KIF26B: variants seen among roughly 807,000 people sequenced by gnomAD.
KIF26B encodes the protein kinesin-like protein KIF26B.
Under a neutral mutation model 151.2 loss-of-function variants are expected in KIF26B, and 63 were observed. That is an observed-to-expected ratio of 0.42 (90% CI 0.34 to 0.51). KIF26B has a LOEUF of 0.51. KIF26B is among the 20% of genes least tolerant of loss of function. KIF26B has a pLI of 0.07. For missense variants in KIF26B, 2,813 were observed against 2,913.6 expected, an observed-to-expected ratio of 0.97 and a Z score of 0.79; for synonymous variants, 1,357 against 1,262.1, an observed-to-expected ratio of 1.08 and a Z score of -1.59.
chr1:245,365,511 A>AC (rs1255591332), intron 2 of KIF26B, among the ~76,000 whole-genome samples: 2 of 138,802 alleles, frequency 1.4e-5, no homozygotes, highest in African/African-American at 6.1e-5. Flanking sequence ...CTGCCTCACA[A>AC]CTCCCCCCCA....
chr1:245,331,613 G>A (rs1473760825), intron 2 of KIF26B, among the ~76,000 whole-genome samples: 1 of 152,126 alleles, frequency 6.6e-6, no homozygotes, highest in Non-Finnish European at 1.5e-5. Flanking sequence ...TGCTGAGGAA[G>A]GATTTATTTT....
intron 2 of KIF26B, among the ~76,000 whole-genome samples, chr1:245,345,276 C>T (rs1672425625): frequency 6.6e-6 from 1 of 152,156 alleles, no homozygotes; most frequent in African/African-American, 2.4e-5. Context: ...CCAGAGGCCA[C>T]TCCTGGGAGA....
chr1:245,426,872 CAGAT>C (rs1416835026), intron 4 of KIF26B, among the ~76,000 whole-genome samples: 2 of 152,226 alleles, frequency 1.3e-5, no homozygotes, highest in African/African-American at 2.4e-5. Flanking sequence ...AGAAGCAACT[CAGAT>C]AGCGCCTTGC....
At chr1:245,565,932 G>A (rs909833392) in intron 5 of KIF26B, among the ~76,000 whole-genome samples, 10 of 152,228 alleles carry the variant, frequency 6.6e-5, no homozygotes, top group African/African-American at 2.4e-4. Flanking sequence ...AAGGTGCAAA[G>A]GGAGCAGGCA....
intron 4 of KIF26B, among the ~76,000 whole-genome samples, chr1:245,424,945 A>C (rs1018891679): frequency 3.9e-5 from 6 of 152,010 alleles, no homozygotes; most frequent in Non-Finnish European, 8.8e-5. Context: ...TTTTCGAGAA[A>C]AGACACTGTT....
chr1:245,570,940 A>G (rs2043061235), intron 5 of KIF26B, among the ~76,000 whole-genome samples: 1 of 152,216 alleles, frequency 6.6e-6, no homozygotes, highest in African/African-American at 2.4e-5. Flanking sequence ...TGCCTTCCAG[A>G]TATCATCAAA....
chr1:245,428,388 C>T (rs1658697127), intron 4 of KIF26B, among the ~76,000 whole-genome samples: 1 of 152,180 alleles, frequency 6.6e-6, no homozygotes, highest in South Asian at 2.1e-4. Context: ...CCCTAGAAAA[C>T]AGTCTCAGGC....
intron 3 of KIF26B, among the ~76,000 whole-genome samples, chr1:245,369,117 G>C (rs1000348207): frequency 2.6e-5 from 4 of 151,936 alleles, no homozygotes; most frequent in African/African-American, 9.7e-5. Context: ...CAGCAGCACT[G>C]CACTCCAGCC....
At chr1:245,561,558 C>T (rs1366676236) in intron 5 of KIF26B, among the ~76,000 whole-genome samples, 1 of 152,238 alleles carries the variant, frequency 6.6e-6, no homozygotes, top group African/African-American at 2.4e-5. Flanking sequence ...GCATTACATA[C>T]AACAGCTCAT....
intron 2 of KIF26B, among the ~76,000 whole-genome samples, chr1:245,190,642 T>TTG (rs1434489241): frequency 1.3e-5 from 2 of 149,238 alleles, no homozygotes; most frequent in South Asian, 2.1e-4. Flanking sequence ...TTGTTTTGTT[T>TTG]TTTTTTTTTT....
intron 5 of KIF26B, among the ~76,000 whole-genome samples, chr1:245,549,644 C>G (rs1049823091): frequency 2.0e-5 from 3 of 152,108 alleles, no homozygotes; most frequent in Non-Finnish European, 4.4e-5. Context: ...AGAAAGTTTT[C>G]CTTTGTGCCT....
chr1:245,367,344 G>A lies in KIF26B; in HGVS notation c.976G>A (p.Gly326Arg), dbSNP rs1358324962. The change falls in exon 3 of 15, where the codon GGG (glycine) becomes AGG (arginine). Residue 326 changes from glycine to arginine, a missense_variant. By Grantham distance (125) the Gly-to-Arg change is moderately radical (BLOSUM62 -2). Around this residue, in one of 3 missense-constraint regions of KIF26B, gnomAD observed 676 missense variants for 688.1 expected, o/e 0.98. Transcript: ENST00000407071. This position sits in a 1 kb window ranked among gnomAD's most constrained non-coding sequence, Gnocchi z 4.2. ...DGTWSLSRTN[G>R]VTLYPYQISQ... The stretch of plus-strand genomic sequence containing the variant: ...CACCTGGTCCCTGTCGAGAACCAAC[G>A]GGGTCACCCTGTACCCATACCAGGT... 8 of 1,593,126 alleles carry A rather than the reference G, an allele frequency of 5.0e-6. No homozygotes were observed. Among genetic ancestry groups the A allele is most frequent in the Non-Finnish European group, 6.0e-6 (7 of 1,170,044 alleles).
intron 2 of KIF26B, among the ~76,000 whole-genome samples, chr1:245,173,136 A>G (rs1226641594): frequency 6.6e-6 from 1 of 152,360 alleles, no homozygotes; most frequent in African/African-American, 2.4e-5. Context: ...GCCAAGTGAA[A>G]TAAGCCAGTC....
intron 4 of KIF26B, among the ~76,000 whole-genome samples, chr1:245,507,140 G>C (rs754109697): frequency 2.6e-5 from 4 of 152,200 alleles, no homozygotes; most frequent in Non-Finnish European, 4.4e-5. Context: ...TGGTGAGGGA[G>C]GAAGAGTCCA....
At chr1:245,555,929 G>A (rs948502217) in intron 5 of KIF26B, among the ~76,000 whole-genome samples, 1 of 152,182 alleles carries the variant, frequency 6.6e-6, no homozygotes, top group African/African-American at 2.4e-5. Flanking sequence ...ATTCAACAGA[G>A]CTTAGAGAAG....
chr1:245,489,715 G>A (rs573777540), intron 4 of KIF26B, among the ~76,000 whole-genome samples: 17 of 152,314 alleles, frequency 1.1e-4, no homozygotes, highest in Admixed American at 6.5e-4. Context: ...GGTAGAAGGC[G>A]TCATGGTATC....
intron 2 of KIF26B, among the ~76,000 whole-genome samples, chr1:245,319,409 C>T (rs993480874): frequency 6.6e-6 from 1 of 152,204 alleles, no homozygotes; most frequent in Admixed American, 6.5e-5. Flanking sequence ...GCCTGACAAA[C>T]AGCCATCAAC....
intron 4 of KIF26B, among the ~76,000 whole-genome samples, chr1:245,476,604 T>C (rs929827046): frequency 1.3e-5 from 2 of 151,526 alleles, no homozygotes; most frequent in African/African-American, 4.8e-5. Context: ...GGCGTGACCT[T>C]GGCTCACTGC....
chr1:245,611,811 C>T lies in KIF26B; in HGVS notation c.1933C>T (p.Leu645=). 1 of 1,613,702 alleles carries T rather than the reference C, an allele frequency of 6.2e-7. No homozygotes were observed. The highest frequency in any genetic ancestry group is 2.2e-5 in the East Asian group (1 of 44,860). ...CGTQLQNQSE[L]RAPTAEKAAF... is the part of the protein sequence containing the mutation. Reference sequence around the variant, plus strand: ...CTTCCAGCTGCAGAACCAGAGCGAGCTGCGGGCCCCCACCGCAGAGAAGGC... The same window carrying T: ...CTTCCAGCTGCAGAACCAGAGCGAGTTGCGGGCCCCCACCGCAGAGAAGGC... Residue 645 remains leucine (L), a synonymous_variant, in exon 9 of 15, where the codon CTG becomes TTG. Coordinates refer to ENST00000407071, the MANE Select transcript of KIF26B (RefSeq NM_018012.4).
Sources: allele counts gnomAD v4.1 joint callset (sites outside exome capture counted in the v4.1 genomes callset), GRCh38; gene constraint gnomAD v4.1.1; regional missense constraint gnomAD v4.1.1; non-coding constraint Gnocchi (gnomAD v3.1); transcripts MANE v1.5; gene names NCBI Gene and HGNC (gene_info 2026-07-23, HGNC 2026-07-21).